POU6F2: variants seen among roughly 807,000 people sequenced by gnomAD.
The protein encoded by POU6F2 is POU domain, class 6, transcription factor 2.
A neutral mutation model predicts 71.3 loss-of-function variants in POU6F2; 31 were observed. The ratio of observed to expected loss-of-function variants is 0.43; its 90% CI spans 0.33 to 0.59. POU6F2 has a LOEUF of 0.59. POU6F2 is among the 20% of genes least tolerant of loss of function. The pLI is 0.04. For synonymous variants in POU6F2, 347 were observed against 355.7 expected (o/e 0.98, Z 0.27); for missense variants, 783 against 856.8 (o/e 0.91, Z 1.07).
intron 1 of POU6F2, among the ~76,000 whole-genome samples, chr7:39,045,539 T>A (rs1429926109): frequency 6.6e-6 from 1 of 151,826 alleles, no homozygotes. Flanking sequence ...TGAGGCTCTT[T>A]AGCTTGTTTT....
intron 2 of POU6F2, among the ~76,000 whole-genome samples, chr7:39,120,595 C>T (rs1471260301): frequency 6.6e-6 from 1 of 152,146 alleles, no homozygotes; most frequent in Non-Finnish European, 1.5e-5. Flanking sequence ...TTGTATTAAA[C>T]ATGTTTCTAT....
chr7:39,333,633 G>C (rs887671791), intron 4 of POU6F2, among the ~76,000 whole-genome samples: 1 of 152,198 alleles, frequency 6.6e-6, no homozygotes, highest in African/African-American at 2.4e-5. Flanking sequence ...AGCTACTCGG[G>C]AGGCTGAGGC....
intron 2 of POU6F2, among the ~76,000 whole-genome samples, chr7:39,119,161 G>C (rs1252414924): frequency 6.6e-6 from 1 of 152,284 alleles, no homozygotes; most frequent in East Asian, 1.9e-4. Flanking sequence ...AGCCACACAG[G>C]GGAGGCAAGG....
At chr7:39,168,296 C>G (rs577397318) in intron 2 of POU6F2, among the ~76,000 whole-genome samples, 2 of 152,284 alleles carry the variant, frequency 1.3e-5, no homozygotes, top group African/African-American at 4.8e-5. Context: ...TTTGCAGCAT[C>G]ATGACAACCA....
intron 2 of POU6F2, among the ~76,000 whole-genome samples, chr7:39,191,198 T>C (rs921978503): frequency 6.6e-6 from 1 of 152,218 alleles, no homozygotes; most frequent in Non-Finnish European, 1.5e-5. Flanking sequence ...GGATGCAAAT[T>C]GGGATGTGCC....
chr7:39,221,422 G>T (rs983565659), intron 4 of POU6F2, among the ~76,000 whole-genome samples: 1 of 116,466 alleles, frequency 8.6e-6, no homozygotes, highest in Non-Finnish European at 1.6e-5. Context: ...ACAGTGTCTC[G>T]CTCTGTCCTC....
At chr7:39,327,293 CAG>C (rs1226208064) in intron 4 of POU6F2, among the ~76,000 whole-genome samples, 4 of 141,880 alleles carry the variant, frequency 2.8e-5, no homozygotes, top group Non-Finnish European at 6.2e-5. Context: ...AAAAAAAAAA[CAG>C]AAATTCATAC....
At chr7:39,309,791 T>C (rs1274327000) in intron 4 of POU6F2, among the ~76,000 whole-genome samples, 2 of 152,226 alleles carry the variant, frequency 1.3e-5, no homozygotes, top group Non-Finnish European at 2.9e-5. Flanking sequence ...GAGCTCACAC[T>C]CTTTTTTCTC....
intron 1 of POU6F2, among the ~76,000 whole-genome samples, chr7:38,996,350 C>A (rs1361246567): frequency 6.6e-6 from 1 of 151,986 alleles, no homozygotes; most frequent in East Asian, 1.9e-4. Context: ...TGGGGCTTGG[C>A]TTTTTTGACC....
chr7:39,297,856 C>T (rs192235406), intron 4 of POU6F2, among the ~76,000 whole-genome samples: 1 of 152,240 alleles, frequency 6.6e-6, no homozygotes, highest in East Asian at 1.9e-4. Context: ...CACCACACGT[C>T]GACAACCATC....
chr7:39,121,995 A>C (rs1792053512), intron 2 of POU6F2, among the ~76,000 whole-genome samples: 1 of 152,220 alleles, frequency 6.6e-6, no homozygotes, highest in African/African-American at 2.4e-5. Context: ...CACCACACCC[A>C]GCCTACAGAT....
At chr7:39,293,543 C>T (rs1784800814) in intron 4 of POU6F2, among the ~76,000 whole-genome samples, 1 of 152,126 alleles carries the variant, frequency 6.6e-6, no homozygotes. Flanking sequence ...TCGGATCTAC[C>T]TAGAACCATT....
At chr7:39,009,474 A>T (rs1789196116) in intron 1 of POU6F2, among the ~76,000 whole-genome samples, 1 of 152,186 alleles carries the variant, frequency 6.6e-6, no homozygotes, top group South Asian at 2.1e-4. Context: ...GCAAACAGGG[A>T]CAATCTGACT....
chr7:39,364,232 A>T (rs143304489), intron 5 of POU6F2, among the ~76,000 whole-genome samples: 1 of 151,696 alleles, frequency 6.6e-6, no homozygotes, highest in Non-Finnish European at 1.5e-5. Context: ...AGGGCATGGA[A>T]GTTTTCTTCT....
At chr7:39,026,405 G>T (rs1484226835) in intron 1 of POU6F2, among the ~76,000 whole-genome samples, 1 of 151,834 alleles carries the variant, frequency 6.6e-6, no homozygotes, top group Non-Finnish European at 1.5e-5. Flanking sequence ...ATACACCATG[G>T]AATCCTATGC....
At chr7:39,016,277 T>G (rs1789546795) in intron 1 of POU6F2, among the ~76,000 whole-genome samples, 1 of 148,792 alleles carries the variant, frequency 6.7e-6, no homozygotes. Context: ...TACTATATAA[T>G]AACAACTATT....
At chr7:39,134,536 G>A (rs1792352404) in intron 2 of POU6F2, among the ~76,000 whole-genome samples, 1 of 152,164 alleles carries the variant, frequency 6.6e-6, no homozygotes, top group Non-Finnish European at 1.5e-5. Context: ...CTCAGTTACT[G>A]TCTTGAAAGT....
rs142386048 is a variant in POU6F2, at chr7:39,185,793, G to C, written c.278-18442G>C. Reference sequence around the variant, plus strand: ...AAGTAATGAGAAGTATGACAACTTGGTATACATATATATATGTATATGTAT... The same window carrying C: ...AAGTAATGAGAAGTATGACAACTTGCTATACATATATATATGTATATGTAT... On this transcript the variant is annotated intron_variant, in intron 2 of 9. Transcript: ENST00000518318. Among the ~76,000 whole-genome samples, 268 of 147,036 alleles carry C rather than the reference G, an allele frequency of 1.8e-3. 1 individual carries two copies. The highest frequency in any genetic ancestry group is 6.5e-3 in the African/African-American group (258 of 39,442).
At chr7:39,259,735 C>G (rs980258200) in intron 4 of POU6F2, among the ~76,000 whole-genome samples, 17 of 152,204 alleles carry the variant, frequency 1.1e-4, no homozygotes, top group African/African-American at 4.1e-4. Flanking sequence ...TCTCTCTCTG[C>G]TGGCCTCCTC....
Sources: allele counts gnomAD v4.1 joint callset (sites outside exome capture counted in the v4.1 genomes callset), GRCh38; gene constraint gnomAD v4.1.1; transcripts MANE v1.5; gene names NCBI Gene and HGNC (gene_info 2026-07-23, HGNC 2026-07-21).